ATL3: variants seen among roughly 807,000 people sequenced by gnomAD.
ATL3 encodes atlastin-3.
A neutral mutation model predicts 69.5 loss-of-function variants in ATL3; 49 were observed. That is an observed-to-expected ratio of 0.71 (90% CI 0.56 to 0.89). ATL3 has a LOEUF of 0.89. Ranked by LOEUF, ATL3 falls within the 40% of genes least tolerant of loss-of-function variation. ATL3 has a pLI of 0.00. For synonymous variants in ATL3, 214 were observed against 224.1 expected, an observed-to-expected ratio of 0.95 and a Z score of 0.40; for missense variants, 606 against 645.7, an observed-to-expected ratio of 0.94 and a Z score of 0.67.
chr11:63,644,883 A>G (rs937709283), intron 6 of ATL3, among the ~76,000 whole-genome samples: 15 of 152,192 alleles, frequency 9.9e-5, no homozygotes, highest in Admixed American at 3.3e-4. Flanking sequence ...AATACAGTAA[A>G]GGACAAAAGA....
chr11:63,644,739 G>A lies in ATL3; in HGVS notation c.619-478C>T, dbSNP rs76638267. Among the ~76,000 whole-genome samples the A allele has an allele frequency of 6.3e-3, 957 of 152,216 alleles. 7 individuals carry two copies. Among genetic ancestry groups the A allele is most frequent in the African/African-American group, 0.021 (891 of 41,514 alleles). ...TTAGAAGTTTTACAAACACTGGAGG[G>A]ACATGTTTAAGCCAAATATGAGGTC... On this transcript the variant is annotated intron_variant, in intron 6 of 12. Transcript: ENST00000398868.
intron 5 of ATL3, among the ~76,000 whole-genome samples, chr11:63,651,001 C>T (rs1940058417): frequency 2.6e-5 from 4 of 151,956 alleles, no homozygotes. Flanking sequence ...CAAGGTAATC[C>T]CTATAATAAT....
At position 63,625,399 on chromosome 11, in the gene ATL3, T is replaced by C. The variant is rs1482317607; in HGVS notation, c.*3920A>G. On this transcript the variant is annotated 3_prime_UTR_variant, in exon 13 of 13. Transcript: ENST00000398868. ...GAAGACTTCCATGTAAGTTACATCA[T>C]TTTTTAAAAGAACCTAGCAAAAAAT... 3 of 152,220 alleles carry C rather than the reference T, an allele frequency of 2.0e-5. No homozygotes were observed. Among genetic ancestry groups the C allele is most frequent in the Non-Finnish European group, 4.4e-5 (3 of 68,038 alleles). The allele number at this position is 152,220 out of a possible 1,614,324, so 9.4% of individuals were successfully genotyped here.
intron 6 of ATL3, among the ~76,000 whole-genome samples, chr11:63,644,505 T>C (rs971633590): frequency 1.7e-4 from 25 of 149,434 alleles, no homozygotes; most frequent in African/African-American, 5.1e-4. Context: ...TCCTTTCACC[T>C]CAGCCTCCCA....
At position 63,658,915 on chromosome 11, in the gene ATL3, A is replaced by G; in HGVS notation, c.262-11T>C. On this transcript the variant is annotated splice_polypyrimidine_tract_variant and intron_variant, in intron 2 of 12. Transcript: ENST00000398868. The stretch of plus-strand genomic sequence containing the variant: ...ATGGCCACTTTCCTTCTACAGAAGT[A>G]AGAAATTTCTATTAAATCTTAAATT... 3 of 1,590,094 alleles carry G rather than the reference A, an allele frequency of 1.9e-6. No homozygotes were observed. The highest frequency in any genetic ancestry group is 2.3e-5 in the South Asian group (2 of 85,722).
At chr11:63,642,868 A>C (rs1939744770) in intron 8 of ATL3, among the ~76,000 whole-genome samples, 1 of 152,230 alleles carries the variant, frequency 6.6e-6, no homozygotes, top group African/African-American at 2.4e-5. Flanking sequence ...AAAAGGAACA[A>C]AGATAAGATA....
At chr11:63,649,666 C>T (rs891652929) in intron 5 of ATL3, among the ~76,000 whole-genome samples, 3 of 150,742 alleles carry the variant, frequency 2.0e-5, no homozygotes, top group African/African-American at 7.3e-5. Flanking sequence ...CGAGTAGCTG[C>T]GATTACAGGC....
At chr11:63,653,158 G>A (rs763923921) in intron 3 of ATL3, among the ~76,000 whole-genome samples, 1 of 151,112 alleles carries the variant, frequency 6.6e-6, no homozygotes, top group Non-Finnish European at 1.5e-5. Flanking sequence ...CGGTGAAATC[G>A]TGTCTCTACC....
In ATL3 at chr11:63,625,169, T is replaced by A. The variant is rs1590710120; in HGVS notation, c.*4150A>T. The A allele has an allele frequency of 6.6e-6, 1 of 152,176 alleles. No homozygotes were observed. The highest frequency in any genetic ancestry group is 2.1e-4 in the South Asian group (1 of 4,834). 9.4% of individuals were successfully genotyped at this position (152,176 alleles called of 1,614,324 possible). The stretch of plus-strand genomic sequence containing the variant: ...TATTATTTTACAATGGGCTTCTTAA[T>A]GTCATTTTTAAAAATTAATCACACA... On this transcript the variant is annotated 3_prime_UTR_variant, in exon 13 of 13. Coordinates refer to ENST00000398868, the MANE Select transcript of ATL3 (RefSeq NM_015459.5).
At chr11:63,629,551 C>G (rs79400466) in intron 12 of ATL3, 146 bp from the exon 13 acceptor site, 2 of 687,872 alleles carry the variant, frequency 2.9e-6, no homozygotes, top group African/African-American at 3.6e-5. Flanking sequence ...TACAGAGAGG[C>G]TGTGGCAGCA....
In ATL3 at chr11:63,636,326, C is replaced by G; in HGVS notation, c.859G>C (p.Gly287Arg). Reference protein sequence around the residue: ...DFDGKLKDIAGEFKEQLQALI... With the variant: ...DFDGKLKDIAREFKEQLQALI... ...GCCTGTAACTGCTCTTTGAATTCAC[C>G]AGCAATATCTGTTCACAGGACGACA... Residue 287 changes from glycine (G) to arginine (R), a missense_variant, in exon 9 of 13, where the codon GGT becomes CGT. Coordinates refer to ENST00000398868, the MANE Select transcript of ATL3 (RefSeq NM_015459.5). The G allele has an allele frequency of 1.2e-6, 2 of 1,614,040 alleles. No homozygotes were observed. Among genetic ancestry groups the G allele is most frequent in the Non-Finnish European group, 1.7e-6 (2 of 1,180,008 alleles).
intron 11 of ATL3, 178 bp downstream of exon 11, chr11:63,632,848 A>G (rs1172881195): frequency 1.9e-5 from 14 of 755,174 alleles, no homozygotes; most frequent in Middle Eastern, 3.3e-4. Context: ...AAACAAGAAC[A>G]AACAAACAAA....
At position 63,628,334 on chromosome 11, in the gene ATL3, A is replaced by T. The variant is rs1028167994; in HGVS notation, c.*985T>A. 6.6e-6 allele frequency: 1 copy of T among 151,988 alleles called. No individual in the cohort carries two copies. Among genetic ancestry groups the T allele is most frequent in the Non-Finnish European group, 1.5e-5 (1 of 68,020 alleles). The allele number at this position is 151,988 out of a possible 1,614,324, so 9.4% of individuals were successfully genotyped here. A position where few individuals can be genotyped will look rare whatever the true frequency, so the allele number is the denominator to read the frequency against. ...CTATAGGGACCAAAAAAAAAAAAAA[A>T]ATAGAGCAAGTTGCAACAAAACTGT... is the stretch of plus-strand genomic sequence containing the variant. On this transcript the variant is annotated 3_prime_UTR_variant, in exon 13 of 13. Transcript: ENST00000398868.
intron 1 of ATL3, among the ~76,000 whole-genome samples, chr11:63,668,525 G>A (rs905848700): frequency 6.6e-6 from 1 of 152,068 alleles, no homozygotes; most frequent in Non-Finnish European, 1.5e-5. Context: ...AAATCTTTTC[G>A]CCATAGCACA....
At chr11:63,660,364 C>CAGTGGTATCTA (rs1940384305) in intron 1 of ATL3, among the ~76,000 whole-genome samples, 1 of 152,148 alleles carries the variant, frequency 6.6e-6, no homozygotes, top group Non-Finnish European at 1.5e-5. Context: ...ATTAAAACCA[C>CAGTGGTATCTA]AATAAGATAC....
At chr11:63,648,305 T>A (rs1308323322) in intron 5 of ATL3, among the ~76,000 whole-genome samples, 1 of 152,052 alleles carries the variant, frequency 6.6e-6, no homozygotes, top group African/African-American at 2.4e-5. Flanking sequence ...TTTAAAGAAA[T>A]TTTTTCCAGG....
In ATL3 at chr11:63,626,525, AGCTC is replaced by A. The variant is rs1349745081; in HGVS notation, c.*2790_*2793del. The A allele has an allele frequency of 6.6e-6, 1 of 152,190 alleles. No individual in the cohort carries two copies. The highest frequency in any genetic ancestry group is 1.9e-4 in the East Asian group (1 of 5,202). The allele number at this position is 152,190 out of a possible 1,614,324, so 9.4% of individuals were successfully genotyped here. On this transcript the variant is annotated 3_prime_UTR_variant, in exon 13 of 13. Transcript: ENST00000398868. Reference sequence around the variant, plus strand: ...TGATTCTACCATTTTTACTATAAGCAGCTCATTGAAATTATTTTTTCAAATTATC... The same window carrying A: ...TGATTCTACCATTTTTACTATAAGCAATTGAAATTATTTTTTCAAATTATC...
At position 63,643,351 on chromosome 11, in the gene ATL3, A is replaced by G; in HGVS notation, c.850+6T>C. ...TCACAGGTTTAAAATAACACCTGGA[A>G]CACACCTTTTAATTTCCCATCAAAG... On this transcript the variant is annotated splice_donor_region_variant and intron_variant, in intron 8 of 12. Transcript: ENST00000398868. The G allele has an allele frequency of 6.2e-7, 1 of 1,603,338 alleles. No homozygotes were observed. The highest frequency in any genetic ancestry group is 8.5e-7 in the Non-Finnish European group (1 of 1,175,744).
At chr11:63,661,160 T>C (rs1026095887) in intron 1 of ATL3, among the ~76,000 whole-genome samples, 2 of 150,104 alleles carry the variant, frequency 1.3e-5, no homozygotes, top group African/African-American at 2.5e-5. Flanking sequence ...AGGCAGAAGC[T>C]GCAGTGAGCC....
Sources: allele counts gnomAD v4.1 joint callset (sites outside exome capture counted in the v4.1 genomes callset), GRCh38; gene constraint gnomAD v4.1.1; transcripts MANE v1.5; gene names NCBI Gene and HGNC (gene_info 2026-07-23, HGNC 2026-07-21).